The following ITGA1 variants were observed in gnomAD, a reference collection of about 807,000 sequenced individuals.
ITGA1 encodes the protein integrin alpha-1.
In ITGA1, 85 loss-of-function variants were observed where a neutral mutation model predicts 145.9. The ratio of observed to expected loss-of-function variants is 0.58; its 90% confidence interval spans 0.49 to 0.70. The LOEUF (loss-of-function observed/expected upper bound fraction) is 0.70, where lower values mean the gene tolerates loss of function less well. ITGA1 is among the 30% of genes least tolerant of loss of function. The pLI, the probability that ITGA1 is intolerant of heterozygous loss-of-function variation, is 0.00. For synonymous variants in ITGA1, 520 were observed against 495.3 expected (o/e 1.05, Z -0.66); for missense variants, 1,351 against 1,418.7 (o/e 0.95, Z 0.77).
intron 15 of ITGA1, among the ~76,000 whole-genome samples, chr5:52,917,412 G>A (rs1750663567): frequency 6.6e-6 from 1 of 152,160 alleles, no homozygotes; most frequent in African/African-American, 2.4e-5. Context: ...AATTAAAGGT[G>A]TCATCACAGC....
chr5:52,813,183 T>G (rs1748711464), intron 1 of ITGA1, among the ~76,000 whole-genome samples: 1 of 152,156 alleles, frequency 6.6e-6, no homozygotes, highest in African/African-American at 2.4e-5. Flanking sequence ...AGGTCCTGAC[T>G]CTGCTTATGG....
chr5:52,849,884 C>T (rs542666635), intron 2 of ITGA1, among the ~76,000 whole-genome samples: 1 of 152,094 alleles, frequency 6.6e-6, no homozygotes, highest in Non-Finnish European at 1.5e-5. Flanking sequence ...AACACACTTC[C>T]GTGAGTTTGG....
chr5:52,944,150 C>T (rs576880113), intron 26 of ITGA1, among the ~76,000 whole-genome samples: 8 of 152,224 alleles, frequency 5.3e-5, no homozygotes, highest in African/African-American at 1.9e-4. Flanking sequence ...GGGATGGGCA[C>T]CTATGTCTGT....
chr5:52,800,380 G>T, intron 1 of ITGA1: 1 of 1,613,408 alleles, frequency 6.2e-7, no homozygotes, highest in South Asian at 1.1e-5. Context: ...CTGTCAGTGA[G>T]CCCCTTCCTT....
At chr5:52,916,490 AG>A (rs1310380705) in intron 15 of ITGA1, among the ~76,000 whole-genome samples, 1 of 152,210 alleles carries the variant, frequency 6.6e-6, no homozygotes, top group Non-Finnish European at 1.5e-5. Context: ...TATAAAAGAA[AG>A]GTGAAGATAG....
At chr5:52,845,689 T>C (rs1218126490) in intron 1 of ITGA1, among the ~76,000 whole-genome samples, 2 of 152,174 alleles carry the variant, frequency 1.3e-5, no homozygotes, top group African/African-American at 2.4e-5. Flanking sequence ...ATTGGCTTCA[T>C]GTGGGTAGGG....
intron 1 of ITGA1, chr5:52,803,120 T>C (rs1748520915): frequency 6.6e-6 from 1 of 152,194 alleles, no homozygotes; most frequent in African/African-American, 2.4e-5. Flanking sequence ...AACTAAACTT[T>C]CGCCGGTCTT....
At chr5:52,829,618 G>C (rs779232827) in intron 1 of ITGA1, among the ~76,000 whole-genome samples, 26 of 150,386 alleles carry the variant, frequency 1.7e-4, no homozygotes, top group Non-Finnish European at 3.6e-4. Context: ...TCTGTTGTGG[G>C]TTTTTTTTTC....
In ITGA1 at chr5:52,911,783, ATAGTGTATCTACTATATATACTATATATG is replaced by A. The variant is rs1326415177; in HGVS notation, c.1857+1365_1857+1393del. Among the ~76,000 whole-genome samples, 515 of 139,156 alleles carry A rather than the reference ATAGTGTATCTACTATATATACTATATATG, an allele frequency of 3.7e-3. 2 individuals are homozygous for A. Among genetic ancestry groups the A allele is most frequent in the Middle Eastern group, 0.011 (1 of 88 alleles). The allele number at this position is 139,156 out of a possible 152,430, so 91.3% of individuals were successfully genotyped here. On this transcript the variant is annotated intron_variant, in intron 14 of 28. Transcript: ENST00000282588. ...TGTATCTACTATATATACTATATATATAGTGTATCTACTATATATACTATATATGGTGTATCTACTATATATACTATATA... is the reference window on the plus strand; with the variant it reads ...TGTATCTACTATATATACTATATATAGTGTATCTACTATATATACTATATA...
Position 52,824,293 on chromosome 5 carries a change from C to CTT in ITGA1, c.62-25056_62-25055dup, listed in dbSNP as rs34682943. 2.7e-3 allele frequency: 368 copies of CTT among 134,130 alleles called. 2 individuals are homozygous for CTT. Among genetic ancestry groups the CTT allele is most frequent in the African/African-American group, 4.6e-3 (167 of 36,440 alleles). The allele number at this position is 134,130 out of a possible 1,614,324, so 8.3% of individuals were successfully genotyped here. On this transcript the variant is annotated intron_variant, in intron 1 of 28. Coordinates refer to ENST00000282588, the MANE Select transcript of ITGA1 (RefSeq NM_181501.2). ...GAGAAGATTGTTCTCTCTTTTCTTT[C>CTT]TTTTTTTTTTTTTTTTTAGACGGAA...
chr5:52,910,179 A>G lies in ITGA1; in HGVS notation c.1617A>G (p.Gln539=), dbSNP rs1240226227. 1.9e-6 allele frequency: 3 copies of G among 1,604,326 alleles called. No homozygotes were observed. The highest frequency in any genetic ancestry group is 1.1e-5 in the South Asian group (1 of 90,824). ...TCTTCCAGACAAGGTTTGAATATCA[A>G]ATGAGCCTGGAACCTATTAAGCAGA... ...YALNQTRFEY[Q]MSLEPIKQTC... Residue 539 remains glutamine (Q), a synonymous_variant, in exon 14 of 29, where the codon CAA becomes CAG. Coordinates refer to ENST00000282588, the MANE Select transcript of ITGA1 (RefSeq NM_181501.2).
intron 1 of ITGA1, among the ~76,000 whole-genome samples, chr5:52,832,852 A>AT (rs1176522383): frequency 4.6e-5 from 6 of 131,016 alleles, no homozygotes; most frequent in South Asian, 4.8e-4. Flanking sequence ...TTTTTGGTAG[A>AT]TTTTTTTTGG....
At chr5:52,877,022 A>G (rs3903000) in intron 6 of ITGA1, among the ~76,000 whole-genome samples, 63,376 of 151,944 alleles carry the variant, frequency 0.42, 14,263 homozygotes, top group African/African-American at 0.58. Context: ...TTGGAATATT[A>G]AGGGACTGAA....
rs1751276825 is a variant in ITGA1, at chr5:52,954,639, A to ATGTGTGTG, written c.*2192_*2193insTGTGTGTG. 1 of 121,488 alleles carries ATGTGTGTG rather than the reference A, an allele frequency of 8.2e-6. No homozygotes were observed. Among genetic ancestry groups the ATGTGTGTG allele is most frequent in the Non-Finnish European group, 1.9e-5 (1 of 53,226 alleles). 7.5% of individuals were successfully genotyped at this position (121,488 alleles called of 1,614,324 possible). On this transcript the variant is annotated 3_prime_UTR_variant, in exon 29 of 29. Coordinates refer to ENST00000282588, the MANE Select transcript of ITGA1 (RefSeq NM_181501.2). ...GAGGTTTGTGTGTGTGTGTGTGTGC[A>ATGTGTGTG]TGTGCAGACACATGTACACATATAA...
intron 1 of ITGA1, among the ~76,000 whole-genome samples, chr5:52,833,570 C>G (rs1394081120): frequency 6.6e-6 from 1 of 152,080 alleles, no homozygotes; most frequent in Non-Finnish European, 1.5e-5. Context: ...CTTGCTCTTG[C>G]TAGAGTTAAG....
At chr5:52,874,074 A>G (rs1040627315) in intron 6 of ITGA1, among the ~76,000 whole-genome samples, 7 of 152,020 alleles carry the variant, frequency 4.6e-5, no homozygotes, top group African/African-American at 1.7e-4. Context: ...AAAAAAAAAA[A>G]AGGTGGATTA....
At chr5:52,866,811 T>C (rs1749694547) in intron 6 of ITGA1, among the ~76,000 whole-genome samples, 2 of 152,194 alleles carry the variant, frequency 1.3e-5, no homozygotes, top group African/African-American at 4.8e-5. Context: ...GATTTAATGT[T>C]TATTAAACTC....
chr5:52,959,056 A>G lies in ITGA1; in HGVS notation c.*6605A>G, dbSNP rs1032602514. The G allele has an allele frequency of 6.6e-6, 1 of 152,152 alleles. No individual in the cohort carries two copies. The highest frequency in any genetic ancestry group is 1.5e-5 in the Non-Finnish European group (1 of 68,008). 9.4% of individuals were successfully genotyped at this position (152,152 alleles called of 1,614,324 possible). A position where few individuals can be genotyped will look rare whatever the true frequency, so the allele number is the denominator to read the frequency against. ...AGTAAAAAAGCATTTTGAATGTCCT[A>G]TGTATGGCATATCCTGTACACCAAT... On this transcript the variant is annotated 3_prime_UTR_variant, in exon 29 of 29. Coordinates refer to ENST00000282588, the MANE Select transcript of ITGA1 (RefSeq NM_181501.2).
chr5:52,911,311 A>T (rs1291502944), intron 14 of ITGA1, among the ~76,000 whole-genome samples: 1 of 135,270 alleles, frequency 7.4e-6, no homozygotes, highest in African/African-American at 2.7e-5. Flanking sequence ...TATAGTATAT[A>T]GTGTATATAT....
Sources: allele counts gnomAD v4.1 joint callset (sites outside exome capture counted in the v4.1 genomes callset), GRCh38; gene constraint gnomAD v4.1.1; transcripts MANE v1.5; gene names NCBI Gene and HGNC (gene_info 2026-07-23, HGNC 2026-07-21).